ADAM23: variants seen among roughly 807,000 people sequenced by gnomAD.
ADAM23 encodes disintegrin and metalloproteinase domain-containing protein 23.
Under a neutral mutation model 120.1 loss-of-function variants are expected in ADAM23, and 33 were observed. That is an observed-to-expected ratio of 0.27 (90% CI 0.21 to 0.37). The LOEUF is 0.37. Among genes scored for constraint, ADAM23 ranks in the 10% least tolerant of loss-of-function variants. The pLI is 1.00. For missense variants in ADAM23, 862 were observed against 1,058.2 expected, an observed-to-expected ratio of 0.81 and a Z score of 2.57; for synonymous variants, 367 against 375.2, an observed-to-expected ratio of 0.98 and a Z score of 0.25.
intron 15 of ADAM23, among the ~76,000 whole-genome samples, chr2:206,568,811 CT>C (rs1002924007): frequency 6.6e-6 from 1 of 151,488 alleles, no homozygotes; most frequent in Non-Finnish European, 1.5e-5. Flanking sequence ...TAATGTTAAC[CT>C]TTTTTTTTAA....
chr2:206,503,374 A>T (rs1362878364), intron 3 of ADAM23, among the ~76,000 whole-genome samples: 1 of 152,132 alleles, frequency 6.6e-6, no homozygotes, highest in African/African-American at 2.4e-5. Context: ...ATGAAGTGAG[A>T]AAAGGATGAG....
intron 2 of ADAM23, among the ~76,000 whole-genome samples, chr2:206,469,477 C>T (rs1695609187): frequency 6.6e-6 from 1 of 152,192 alleles, no homozygotes; most frequent in African/African-American, 2.4e-5. Flanking sequence ...AAACCCCTAT[C>T]ACCTCCTACC....
intron 2 of ADAM23, among the ~76,000 whole-genome samples, chr2:206,472,726 T>C (rs1436619216): frequency 1.3e-5 from 2 of 152,240 alleles, no homozygotes; most frequent in African/African-American, 4.8e-5. Context: ...GTATAAGATT[T>C]GGTCAGAAGT....
intron 4 of ADAM23, among the ~76,000 whole-genome samples, chr2:206,531,254 C>T (rs972157771): frequency 6.6e-6 from 1 of 152,142 alleles, no homozygotes; most frequent in Non-Finnish European, 1.5e-5. Context: ...AGGCTCATGG[C>T]CATCGAATCT....
chr2:206,506,776 GT>G (rs1696505134), intron 3 of ADAM23, among the ~76,000 whole-genome samples: 1 of 152,098 alleles, frequency 6.6e-6, no homozygotes, highest in Non-Finnish European at 1.5e-5. Context: ...CTTCTCTGCT[GT>G]TCACAAAACA....
intron 15 of ADAM23, among the ~76,000 whole-genome samples, chr2:206,567,639 A>G (rs997700076): frequency 6.6e-6 from 1 of 152,188 alleles, no homozygotes; most frequent in Non-Finnish European, 1.5e-5. Flanking sequence ...CCTGCTGCTA[A>G]GAGATGGTGG....
chr2:206,465,535 A>T (rs190688040), intron 2 of ADAM23, among the ~76,000 whole-genome samples: 116 of 152,306 alleles, frequency 7.6e-4, no homozygotes, highest in Non-Finnish European at 8.2e-4. Context: ...ATGTACTGTA[A>T]GTAGCTTTTA....
chr2:206,523,184 G>A (rs896477277), intron 3 of ADAM23, among the ~76,000 whole-genome samples: 8 of 151,946 alleles, frequency 5.3e-5, no homozygotes, highest in African/African-American at 1.9e-4. Context: ...ATTATACTAG[G>A]GTTTTCTAAA....
intron 24 of ADAM23, among the ~76,000 whole-genome samples, chr2:206,607,647 G>A (rs1221663062): frequency 9.2e-5 from 14 of 152,120 alleles, no homozygotes; most frequent in Non-Finnish European, 2.9e-5. Flanking sequence ...AGGTAAGTCT[G>A]TGTAAGTGTA....
intron 18 of ADAM23, among the ~76,000 whole-genome samples, chr2:206,586,677 T>G (rs936642910): frequency 1.3e-5 from 2 of 152,186 alleles, no homozygotes; most frequent in Non-Finnish European, 2.9e-5. Flanking sequence ...TTCTCTTAAA[T>G]GTAGTCAATA....
At chr2:206,515,951 C>G (rs1316817774) in intron 3 of ADAM23, among the ~76,000 whole-genome samples, 3 of 151,940 alleles carry the variant, frequency 2.0e-5, no homozygotes, top group African/African-American at 7.3e-5. Context: ...TTGGGCTGGG[C>G]TCTTCTCTTT....
intron 9 of ADAM23, among the ~76,000 whole-genome samples, chr2:206,552,885 G>T (rs1204088947): frequency 1.3e-5 from 2 of 151,296 alleles, no homozygotes; most frequent in African/African-American, 4.9e-5. Context: ...CTAGGCTGGT[G>T]TTGAGCTCCT....
intron 3 of ADAM23, among the ~76,000 whole-genome samples, chr2:206,526,073 ACCACATGG>A (rs1408686456): frequency 6.6e-6 from 1 of 151,820 alleles, no homozygotes; most frequent in Non-Finnish European, 1.5e-5. Flanking sequence ...GGGAGTTTTG[ACCACATGG>A]CTGTTTATGT....
At chr2:206,613,302 G>A (rs1008444388) in intron 25 of ADAM23, among the ~76,000 whole-genome samples, 5 of 152,196 alleles carry the variant, frequency 3.3e-5, no homozygotes, top group South Asian at 2.1e-4. Context: ...CAGGTGATCC[G>A]CCAGACTCGG....
chr2:206,484,994 C>A (rs1458591953), intron 3 of ADAM23, among the ~76,000 whole-genome samples: 2 of 152,202 alleles, frequency 1.3e-5, no homozygotes, highest in Non-Finnish European at 2.9e-5. Context: ...AATTATAAGG[C>A]ATCCCCAGCC....
chr2:206,573,254 C>A, intron 18 of ADAM23, 59 bp downstream of exon 18: 2 of 1,499,186 alleles, frequency 1.3e-6, no homozygotes, highest in South Asian at 2.3e-5. Context: ...GTATTCCTTA[C>A]CACAGTGCTT....
intron 3 of ADAM23, among the ~76,000 whole-genome samples, chr2:206,528,244 T>C (rs1696980732): frequency 6.6e-6 from 1 of 152,210 alleles, no homozygotes; most frequent in Admixed American, 6.5e-5. Flanking sequence ...ATCACCAGCT[T>C]CATCTATGTA....
intron 25 of ADAM23, among the ~76,000 whole-genome samples, chr2:206,614,140 C>G (rs1181272986): frequency 6.6e-6 from 1 of 152,200 alleles, no homozygotes; most frequent in African/African-American, 2.4e-5. Flanking sequence ...GGCATAGCTA[C>G]TCCTTACATT....
intron 2 of ADAM23, among the ~76,000 whole-genome samples, chr2:206,477,880 T>TAAAAAA (rs71034456): frequency 1.6e-4 from 17 of 109,168 alleles, no homozygotes; most frequent in Non-Finnish European, 1.7e-4. Flanking sequence ...AATATTCTGT[T>TAAAAAA]AAAAAAAAAA....
Sources: allele counts gnomAD v4.1 joint callset (sites outside exome capture counted in the v4.1 genomes callset), GRCh38; gene constraint gnomAD v4.1.1; transcripts MANE v1.5; gene names NCBI Gene and HGNC (gene_info 2026-07-23, HGNC 2026-07-21).